Variants in TCF20 observed in about 807,000 individuals in gnomAD.
The protein encoded by TCF20 is transcription factor 20.
Under a neutral mutation model 148.6 loss-of-function variants are expected in TCF20, and 3 were observed. That is an observed-to-expected ratio of 0.02 (90% CI 0.01 to 0.05). The LOEUF (loss-of-function observed/expected upper bound fraction) is 0.05, where lower values mean the gene tolerates loss of function less well. TCF20 is among the 10% of genes least tolerant of loss of function. The pLI is 1.00. For synonymous variants in TCF20, 1,049 were observed against 909.5 expected (o/e 1.15, Z -2.76); for missense variants, 2,350 against 2,429.3 (o/e 0.97, Z 0.69).
Position 42,317,160 on chromosome 22 carries a change from C to T in TCF20, c.-37+26319G>A, listed in dbSNP as rs968355254. ...GTGTGCTTGGCCACGTCTGACTCAC[C>T]CCACCTTCCCCGCCCGCCCTCACTC... On this transcript the variant is annotated intron_variant, in intron 1 of 1. Transcript: ENST00000515426. The surrounding 1 kb of genome is among the most constrained non-coding windows in gnomAD (Gnocchi z 4.2). Among the ~76,000 whole-genome samples, 8 of 152,164 alleles carry T rather than the reference C, an allele frequency of 5.3e-5. No individual in the cohort carries two copies. Among genetic ancestry groups the T allele is most frequent in the Admixed American group, 1.3e-4 (2 of 15,270 alleles).
chr22:42,219,808 A>G (rs1326137301), intron 1 of TCF20, among the ~76,000 whole-genome samples: 1 of 152,102 alleles, frequency 6.6e-6, no homozygotes, highest in Non-Finnish European at 1.5e-5. Flanking sequence ...GTGAGCAGAG[A>G]TCGCGCCACT....
At chr22:42,226,924 G>A (rs1332309452) in intron 1 of TCF20, among the ~76,000 whole-genome samples, 2 of 152,196 alleles carry the variant, frequency 1.3e-5, no homozygotes, top group Non-Finnish European at 2.9e-5. Context: ...AAGACGTTAA[G>A]TCTCCACATA....
chr22:42,303,895 GA>G (rs1346902228), intron 1 of TCF20, among the ~76,000 whole-genome samples: 2 of 151,798 alleles, frequency 1.3e-5, no homozygotes, highest in African/African-American at 4.8e-5. Context: ...AAAAGGGGGA[GA>G]GGGGAGAGAG....
At chr22:42,263,059 T>C (rs1719937898) in intron 1 of TCF20, among the ~76,000 whole-genome samples, 1 of 152,162 alleles carries the variant, frequency 6.6e-6, no homozygotes, top group Non-Finnish European at 1.5e-5. Flanking sequence ...ATACTTTTCC[T>C]ATTTTAGTGC....
Position 42,160,607 on chromosome 22 carries a change from C to T in TCF20, c.*796G>A, listed in dbSNP as rs1935379726. ...CCCAGGACACAGCTATGACCTCAGG[C>T]ATCTGCCAATTTCACCCCCAAAAAG... On this transcript the variant is annotated 3_prime_UTR_variant, in exon 6 of 6. Coordinates refer to ENST00000677622, the MANE Select transcript of TCF20 (RefSeq NM_001378418.1). 6.6e-6 allele frequency: 1 copy of T among 151,324 alleles called. No individual in the cohort carries two copies. Among genetic ancestry groups the T allele is most frequent in the Admixed American group, 6.6e-5 (1 of 15,156 alleles). The allele number at this position is 151,324 out of a possible 1,614,324, so 9.4% of individuals were successfully genotyped here.
At chr22:42,245,087 GAGAAAA>G (rs1316402261) in intron 1 of TCF20, among the ~76,000 whole-genome samples, 3 of 151,844 alleles carry the variant, frequency 2.0e-5, no homozygotes, top group Non-Finnish European at 4.4e-5. Context: ...TGTCTCAGAA[GAGAAAA>G]AGAAAAAGAA....
chr22:42,265,852 T>A (rs921195673), intron 1 of TCF20, among the ~76,000 whole-genome samples: 2 of 152,204 alleles, frequency 1.3e-5, no homozygotes, highest in East Asian at 3.8e-4. Context: ...TGTTACTCTT[T>A]AAGCTGATAC....
chr22:42,180,971 G>C (rs1039618039), intron 2 of TCF20, among the ~76,000 whole-genome samples: 1 of 152,188 alleles, frequency 6.6e-6, no homozygotes, highest in African/African-American at 2.4e-5. Flanking sequence ...CCCATAATCA[G>C]TAAATGTTTA....
intron 2 of TCF20, among the ~76,000 whole-genome samples, chr22:42,187,211 A>C (rs1937086296): frequency 6.6e-6 from 1 of 152,180 alleles, no homozygotes; most frequent in Non-Finnish European, 1.5e-5. Context: ...TTAGGGCCCA[A>C]TAGTTCATCT....
intron 2 of TCF20, among the ~76,000 whole-genome samples, chr22:42,186,005 TCTGC>T (rs1937027927): frequency 6.6e-6 from 1 of 152,356 alleles, no homozygotes; most frequent in Non-Finnish European, 1.5e-5. Context: ...GGATTTAGAA[TCTGC>T]ACTTATGTCC....
chr22:42,324,719 A>C (rs2147053832), intron 1 of TCF20, among the ~76,000 whole-genome samples: 1 of 152,362 alleles, frequency 6.6e-6, no homozygotes, highest in South Asian at 2.1e-4. Flanking sequence ...CCATCTGAGA[A>C]AATAATCTCC....
chr22:42,210,633 G>C lies in TCF20; in HGVS notation c.4673C>G (p.Pro1558Arg), dbSNP rs780164765. Residue 1558 changes from proline (P) to arginine (R), a missense_variant, in exon 2 of 6, where the codon CCT (proline) becomes CGT (arginine). Physicochemically the swap from Pro to Arg is moderately radical, Grantham distance 103. Coordinates refer to ENST00000677622, the MANE Select transcript of TCF20 (RefSeq NM_001378418.1). This position sits in a 1 kb window ranked among gnomAD's most constrained non-coding sequence, Gnocchi z 4.7. ...TATCTGTGGGGGCTGAGGGGGTGGA[G>C]GCGGTGGCTGCTGCTGTTTCTTTTG... ...NKQKKQQQPP[P>R]PPPQPPQIPE... is the part of the protein sequence containing the mutation. 1.2e-6 allele frequency: 2 copies of C among 1,614,048 alleles called. No individual in the cohort carries two copies. The highest frequency in any genetic ancestry group is 2.2e-5 in the South Asian group (2 of 91,082).
At chr22:42,184,832 C>G (rs548280161) in intron 2 of TCF20, among the ~76,000 whole-genome samples, 36 of 152,176 alleles carry the variant, frequency 2.4e-4, no homozygotes, top group Non-Finnish European at 4.3e-4. Context: ...TTTTGATACT[C>G]TAAACTTGGG....
chr22:42,268,436 G>A (rs1245716039), intron 1 of TCF20, among the ~76,000 whole-genome samples: 1 of 152,196 alleles, frequency 6.6e-6, no homozygotes. Context: ...GATAATCAGT[G>A]CACCCTGAGG....
At position 42,279,683 on chromosome 22, in the gene TCF20, GA is replaced by G. The variant is rs1359614306; in HGVS notation, c.-37+4143del. ...CCTCAGGTGCTCCGTGAGGTGGGAC[GA>G]TTCACCCCATGAGCAAACAGGCTCA... On this transcript the variant is annotated intron_variant, in intron 1 of 5. Coordinates refer to the TCF20 transcript ENST00000359486. The surrounding 1 kb of genome is among the most constrained non-coding windows in gnomAD (Gnocchi z 4.3). Among the ~76,000 whole-genome samples, 75 of 152,202 alleles carry G rather than the reference GA, an allele frequency of 4.9e-4. No homozygotes were observed. The highest frequency in any genetic ancestry group is 1.8e-3 in the African/African-American group (73 of 41,452).
At chr22:42,232,898 G>A (rs1482324793) in intron 1 of TCF20, among the ~76,000 whole-genome samples, 2 of 151,816 alleles carry the variant, frequency 1.3e-5, no homozygotes, top group Non-Finnish European at 2.9e-5. Flanking sequence ...CTTTTATTGA[G>A]TGTTTAAATT....
chr22:42,288,122 T>C (rs1022258907), upstream of TCF20, among the ~76,000 whole-genome samples: 1 of 152,074 alleles, frequency 6.6e-6, no homozygotes, highest in African/African-American at 2.4e-5. Context: ...TGGCCTGGCG[T>C]GGTGGCTCAC....
At position 42,213,000 on chromosome 22, in the gene TCF20, G is replaced by T. The variant is rs1222747855; in HGVS notation, c.2306C>A (p.Ser769Tyr). 1 of 1,614,090 alleles carries T rather than the reference G, an allele frequency of 6.2e-7. No individual in the cohort carries two copies. The highest frequency in any genetic ancestry group is 1.7e-5 in the Admixed American group (1 of 60,010). ...GYHHHPDRRY[S>Y]RSTQEHQGMA... ...CCCCTGATGCTCTTGAGTACTCCTA[G>T]AATATCTCCTGTCAGGGTGGTGGTG... Residue 769 changes from serine to tyrosine, a missense_variant, in exon 2 of 6, where the codon TCT (serine) becomes TAT (tyrosine). By Grantham distance (144) the Ser-to-Tyr change is moderately radical. Around this residue, in one of 7 missense-constraint regions of TCF20, gnomAD observed 1,641 missense variants for 1,662.6 expected, o/e 0.99. Coordinates refer to ENST00000677622, the MANE Select transcript of TCF20 (RefSeq NM_001378418.1).
intron 2 of TCF20, among the ~76,000 whole-genome samples, chr22:42,206,823 TTC>T (rs1261398815): frequency 2.6e-5 from 4 of 152,240 alleles, no homozygotes; most frequent in African/African-American, 9.6e-5. Flanking sequence ...CTATGGGCAC[TTC>T]TTTTTGCCAG....
Sources: gnomAD v4.1 joint callset for allele counts (sites outside exome capture counted in the v4.1 genomes callset) on GRCh38, gnomAD v4.1.1 for gene constraint, gnomAD v4.1.1 regional missense constraint, Gnocchi (gnomAD v3.1) non-coding constraint, MANE v1.5 for transcripts, NCBI Gene and HGNC (gene_info 2026-07-23, HGNC 2026-07-21) for gene names.